The following CSMD1 variants were observed in gnomAD, a reference collection of about 807,000 sequenced individuals.
CSMD1 encodes CUB and Sushi multiple domains 1, also known as CUB and sushi domain-containing protein 1.
In CSMD1, 213 loss-of-function variants were observed where a neutral mutation model predicts 417.5. That is an observed-to-expected ratio of 0.51 (90% CI 0.46 to 0.57). CSMD1 has a LOEUF of 0.57. Among genes scored for constraint, CSMD1 ranks in the 20% least tolerant of loss-of-function variants. CSMD1 has a pLI of 0.00. For synonymous variants in CSMD1, 2,862 were observed against 1,736.8 expected, an observed-to-expected ratio of 1.65 and a Z score of -16.11; for missense variants, 6,923 against 4,529.7, an observed-to-expected ratio of 1.53 and a Z score of -15.17.
intron 3 of CSMD1, among the ~76,000 whole-genome samples, chr8:4,107,077 C>G (rs1801606568): frequency 6.6e-6 from 1 of 152,094 alleles, no homozygotes; most frequent in South Asian, 2.1e-4. Context: ...ATGTCAACGA[C>G]AACATGAACA....
At chr8:3,093,936 C>A (rs1272572684) in intron 47 of CSMD1, among the ~76,000 whole-genome samples, 1 of 151,940 alleles carries the variant, frequency 6.6e-6, no homozygotes. Flanking sequence ...AAAGACAAAG[C>A]GTGTTTGGTA....
At chr8:3,027,038 C>A (rs986153548) in intron 51 of CSMD1, among the ~76,000 whole-genome samples, 1 of 152,070 alleles carries the variant, frequency 6.6e-6, no homozygotes, top group African/African-American at 2.4e-5. Context: ...CACACTACGA[C>A]ATCTAAGACG....
At chr8:4,397,628 C>T (rs768797364) in intron 3 of CSMD1, among the ~76,000 whole-genome samples, 1 of 134,694 alleles carries the variant, frequency 7.4e-6, no homozygotes, top group Non-Finnish European at 1.5e-5. Flanking sequence ...ATGAAACAGA[C>T]AATATGCATC....
At chr8:4,799,734 T>G (rs770330282) in intron 1 of CSMD1, among the ~76,000 whole-genome samples, 19 of 151,560 alleles carry the variant, frequency 1.3e-4, no homozygotes, top group Non-Finnish European at 2.6e-4. Context: ...TGGCATTACA[T>G]GTCAAAAAGC....
At chr8:3,301,630 G>A in intron 25 of CSMD1, among the ~76,000 whole-genome samples, 1 of 152,194 alleles carries the variant, frequency 6.6e-6, no homozygotes, top group East Asian at 1.9e-4. Flanking sequence ...CACAGGCTAT[G>A]ATCAGAGATC....
chr8:2,936,469 CTG>C lies in CSMD1; in HGVS notation c.*2114_*2115del, dbSNP rs1297598039. The stretch of plus-strand genomic sequence containing the variant: ...GCCTCCTCACACTTTCAATCATCTT[CTG>C]TTTCGTTCAATGTGTGTGTTAGGAG... On this transcript the variant is annotated 3_prime_UTR_variant, in exon 70 of 70. Coordinates refer to ENST00000635120, the MANE Select transcript of CSMD1 (RefSeq NM_033225.6). 1 of 143,202 alleles carries C rather than the reference CTG, an allele frequency of 7.0e-6. No individual in the cohort carries two copies. The highest frequency in any genetic ancestry group is 2.5e-5 in the African/African-American group (1 of 40,306). 8.9% of individuals were successfully genotyped at this position (143,202 alleles called of 1,614,324 possible).
intron 3 of CSMD1, among the ~76,000 whole-genome samples, chr8:4,077,288 T>A (rs1447104691): frequency 1.1e-5 from 1 of 93,754 alleles, no homozygotes; most frequent in African/African-American, 3.5e-5. Flanking sequence ...CCTATATATA[T>A]ATATATGTGT....
chr8:4,074,464 A>T (rs895958043), intron 3 of CSMD1, among the ~76,000 whole-genome samples: 3 of 152,060 alleles, frequency 2.0e-5, no homozygotes, highest in African/African-American at 7.2e-5. Context: ...TTTGTCCATA[A>T]ACCTGTTTAT....
intron 3 of CSMD1, among the ~76,000 whole-genome samples, chr8:4,260,534 A>C (rs1243271783): frequency 6.6e-6 from 1 of 152,224 alleles, no homozygotes; most frequent in Non-Finnish European, 1.5e-5. Context: ...TGGCAAGCAC[A>C]TAGCCAGAAT....
chr8:4,950,114 T>TA (rs1440872628), intron 1 of CSMD1, among the ~76,000 whole-genome samples: 1 of 151,926 alleles, frequency 6.6e-6, no homozygotes, highest in Non-Finnish European at 1.5e-5. Flanking sequence ...AAATGTTTCA[T>TA]ATGATAAGAT....
intron 10 of CSMD1, among the ~76,000 whole-genome samples, chr8:3,565,563 A>G: frequency 6.6e-6 from 1 of 152,196 alleles, no homozygotes; most frequent in East Asian, 1.9e-4. Context: ...AATACTTCAA[A>G]TGCAAGTGAA....
chr8:4,254,153 G>A (rs1432768465), intron 3 of CSMD1, among the ~76,000 whole-genome samples: 1 of 151,878 alleles, frequency 6.6e-6, no homozygotes, highest in African/African-American at 2.4e-5. Context: ...TCCTGACCTG[G>A]TGATCCACCC....
chr8:4,442,856 G>A lies in CSMD1; in HGVS notation c.303-22791C>T, dbSNP rs150791402. On this transcript the variant is annotated intron_variant, in intron 2 of 69. Coordinates refer to ENST00000635120, the MANE Select transcript of CSMD1 (RefSeq NM_033225.6). ...TGCCTTTATTTACATGATTTGAGAT[G>A]GGACTGTAAATTAATGAGATTGCTT... Among the ~76,000 whole-genome samples, 383 of 152,198 alleles carry A rather than the reference G, an allele frequency of 2.5e-3. 5 individuals are homozygous for A. The highest frequency in any genetic ancestry group is 8.6e-3 in the African/African-American group (359 of 41,526).
chr8:4,766,845 C>G (rs1432012026), intron 1 of CSMD1, among the ~76,000 whole-genome samples: 1 of 152,140 alleles, frequency 6.6e-6, no homozygotes, highest in Non-Finnish European at 1.5e-5. Context: ...CTTATGATTT[C>G]TCATATGTAT....
intron 3 of CSMD1, among the ~76,000 whole-genome samples, chr8:4,232,358 C>T (rs575137277): frequency 8.5e-5 from 13 of 152,256 alleles, no homozygotes; most frequent in East Asian, 3.9e-4. Flanking sequence ...GCCATTAAGC[C>T]TGACTAATTT....
intron 33 of CSMD1, among the ~76,000 whole-genome samples, chr8:3,197,228 T>A (rs1464510342): frequency 1.4e-5 from 2 of 147,566 alleles, no homozygotes; most frequent in Non-Finnish European, 3.0e-5. Context: ...TCTGTGCATG[T>A]CTGGAGTCAC....
intron 10 of CSMD1, among the ~76,000 whole-genome samples, chr8:3,564,392 A>T (rs2116880616): frequency 6.6e-6 from 1 of 152,298 alleles, no homozygotes; most frequent in East Asian, 1.9e-4. Context: ...TCATTCACTC[A>T]CACCTGCTAA....
intron 26 of CSMD1, among the ~76,000 whole-genome samples, chr8:3,246,527 A>G (rs1028678891): frequency 6.6e-6 from 1 of 151,962 alleles, no homozygotes; most frequent in Non-Finnish European, 1.5e-5. Flanking sequence ...GCTGGTGTGC[A>G]GTGACTCAGT....
intron 54 of CSMD1, among the ~76,000 whole-genome samples, chr8:2,994,758 A>AT (rs1238080525): frequency 6.6e-6 from 1 of 152,122 alleles, no homozygotes; most frequent in Non-Finnish European, 1.5e-5. Flanking sequence ...TCAATTTTTA[A>AT]TTTTTTTATT....
Sources: gnomAD v4.1 joint callset for allele counts (sites outside exome capture counted in the v4.1 genomes callset) on GRCh38, gnomAD v4.1.1 for gene constraint, MANE v1.5 for transcripts, NCBI Gene and HGNC (gene_info 2026-07-23, HGNC 2026-07-21) for gene names.